ACSL6: variants seen among roughly 807,000 people sequenced by gnomAD.
The protein encoded by ACSL6 is long-chain-fatty-acid--CoA ligase 6.
A neutral mutation model predicts 98.2 loss-of-function variants in ACSL6; 47 were observed. That is an observed-to-expected ratio of 0.48 (90% CI 0.38 to 0.61). The LOEUF is 0.61. Among genes scored for constraint, ACSL6 ranks in the 20% least tolerant of loss-of-function variants. The probability of loss-of-function intolerance (pLI) is 0.00; values close to 1 mark genes in which losing one functional copy is unlikely to be tolerated. For missense variants in ACSL6, 761 were observed against 913.4 expected, an observed-to-expected ratio of 0.83 and a Z score of 2.15; for synonymous variants, 362 against 336.9, an observed-to-expected ratio of 1.07 and a Z score of -0.82.
intron 6 of ACSL6, chr5:131,988,577 A>G (rs1412923494): frequency 6.2e-7 from 1 of 1,612,936 alleles, no homozygotes. Flanking sequence ...GCTGTTGCAG[A>G]GGCTCCTTCT....
intron 16 of ACSL6, among the ~76,000 whole-genome samples, chr5:131,967,372 A>T (rs543322003): frequency 6.6e-6 from 1 of 151,684 alleles, no homozygotes; most frequent in Non-Finnish European, 1.5e-5. Flanking sequence ...TAAAAATTTA[A>T]TTAATTAAGG....
At position 131,988,898 on chromosome 5, in the gene ACSL6, T is replaced by C. The variant is rs1319733712; in HGVS notation, c.559A>G (p.Ile187Val). ...VFAQNRPEWI[I>V]VELACYTYSM... The stretch of plus-strand genomic sequence containing the variant: ...TATGTGTAGCAGGCCAGCTCCACAA[T>C]GATCCACTGTGGAGACACATGAGGC... Residue 187 changes from isoleucine to valine, a missense_variant, in exon 6 of 21, where the codon ATT (isoleucine) becomes GTT (valine). Ile to Val is a conservative substitution (Grantham distance 29). Coordinates refer to ENST00000651883, the MANE Select transcript of ACSL6 (RefSeq NM_001009185.3). 1 of 1,612,384 alleles carries C rather than the reference T, an allele frequency of 6.2e-7. No homozygotes were observed.
intron 10 of ACSL6, chr5:131,975,327 G>A (rs1753560459): frequency 1.0e-6 from 1 of 985,390 alleles, no homozygotes; most frequent in African/African-American, 1.7e-5. Context: ...CTCTCTGAGG[G>A]CCTGCCCCTC....
chr5:132,011,777 C>T (rs1359808282), upstream of ACSL6: 1 of 1,363,312 alleles, frequency 7.3e-7, no homozygotes, highest in Admixed American at 3.5e-5. This position sits in a 1 kb window ranked among gnomAD's most constrained non-coding sequence, Gnocchi z 5.4. Context: ...TACTCCCTGC[C>T]CTGCAGCCTG....
At chr5:131,991,575 G>A (rs971140350) in intron 2 of ACSL6, among the ~76,000 whole-genome samples, 7 of 152,194 alleles carry the variant, frequency 4.6e-5, no homozygotes, top group African/African-American at 1.4e-4. Flanking sequence ...GGAGAGGCAG[G>A]CAGCAAGTTC....
intron 18 of ACSL6, among the ~76,000 whole-genome samples, chr5:131,961,959 C>T (rs1285885695): frequency 1.3e-5 from 2 of 151,790 alleles, no homozygotes; most frequent in African/African-American, 4.8e-5. Context: ...GAGAATCACT[C>T]GAGCTCAGGA....
At chr5:132,002,557 T>G (rs987934032) in intron 1 of ACSL6, among the ~76,000 whole-genome samples, 2 of 152,058 alleles carry the variant, frequency 1.3e-5, no homozygotes, top group Non-Finnish European at 2.9e-5. Context: ...TGCCTGCTTG[T>G]TCACTTAGGA....
intron 9 of ACSL6, among the ~76,000 whole-genome samples, chr5:131,978,115 G>A (rs984003671): frequency 7.2e-5 from 11 of 152,216 alleles, no homozygotes; most frequent in African/African-American, 2.2e-4. Context: ...TTAATCCCAG[G>A]GAATCTGGAT....
chr5:132,012,013 C>G (rs1328404600), upstream of ACSL6: 12 of 1,454,546 alleles, frequency 8.3e-6, no homozygotes, highest in Admixed American at 2.3e-5. Context: ...CATCAACACG[C>G]GACCCTGCCC....
Position 131,954,089 on chromosome 5 carries a change from A to T in ACSL6, c.*145T>A. ...CATTGATGATAGAGAAAATATTGTT[A>T]AAGACCTCTTGGGACAGGAAAAGGC... is the stretch of plus-strand genomic sequence containing the variant. On this transcript the variant is annotated 3_prime_UTR_variant, in exon 21 of 21. Coordinates refer to ENST00000651883, the MANE Select transcript of ACSL6 (RefSeq NM_001009185.3). 1.4e-6 allele frequency: 1 copy of T among 692,164 alleles called. No individual in the cohort carries two copies. Among genetic ancestry groups the T allele is most frequent in the Non-Finnish European group, 2.1e-6 (1 of 475,246 alleles). 42.9% of individuals were successfully genotyped at this position (692,164 alleles called of 1,614,324 possible).
intron 5 of ACSL6, 114 bp downstream of exon 5, chr5:131,989,293 G>T (rs1214429857): frequency 7.8e-6 from 8 of 1,022,702 alleles, no homozygotes; most frequent in Non-Finnish European, 1.2e-5. Context: ...TAGCCCAAGG[G>T]TCTCTGTTTT....
chr5:131,985,213 A>T, intron 9 of ACSL6, 194 bp downstream of exon 9: 1 of 663,728 alleles, frequency 1.5e-6, no homozygotes, highest in East Asian at 2.8e-5. Context: ...CCCAATGCAC[A>T]CTATCCATCT....
chr5:131,997,838 G>A lies in ACSL6; in HGVS notation c.50-3587C>T, dbSNP rs186302885. 2.8e-3 allele frequency among the ~76,000 whole-genome samples: 425 copies of A among 152,298 alleles called. 6 individuals carry two copies. Among genetic ancestry groups the A allele is most frequent in the African/African-American group, 9.7e-3 (401 of 41,542 alleles). ...GGCTGGGCAGCAACCAGAGGGTCTCGTTCTTTCAGGCTTATCGACCTTCTC... is the reference window on the plus strand; with the variant it reads ...GGCTGGGCAGCAACCAGAGGGTCTCATTCTTTCAGGCTTATCGACCTTCTC... On this transcript the variant is annotated intron_variant, in intron 1 of 20. Transcript: ENST00000651883.
chr5:132,010,237 T>C lies in ACSL6; in HGVS notation c.49+1268A>G, dbSNP rs141524975. Among the ~76,000 whole-genome samples the C allele has an allele frequency of 4.1e-3, 629 of 152,270 alleles. 4 individuals carry two copies. The highest frequency in any genetic ancestry group is 0.013 in the African/African-American group (546 of 41,540). ...GCTCAGGGGAAGTGTCCCTGTGGCC[T>C]AACTTAAGGAAATGGTGGGGGTGAA... is the stretch of plus-strand genomic sequence containing the variant. On this transcript the variant is annotated intron_variant, in intron 1 of 20. Coordinates refer to ENST00000651883, the MANE Select transcript of ACSL6 (RefSeq NM_001009185.3).
intron 6 of ACSL6, 44 bp downstream of exon 6, chr5:131,988,761 G>A (rs752083203): frequency 1.3e-6 from 2 of 1,596,224 alleles, no homozygotes; most frequent in Non-Finnish European, 1.7e-6. Context: ...GCTGGAGGCT[G>A]GGGACCAGTT....
At chr5:131,972,565 T>C (rs1039369121) in intron 13 of ACSL6, among the ~76,000 whole-genome samples, 159 bp downstream of exon 13, 6 of 152,150 alleles carry the variant, frequency 3.9e-5, no homozygotes, top group African/African-American at 1.4e-4. Flanking sequence ...AATGTCTAAG[T>C]TTAAAATTTC....
chr5:132,006,486 C>T (rs1561814638), intron 1 of ACSL6: 2 of 152,356 alleles, frequency 1.3e-5, no homozygotes, highest in Admixed American at 6.5e-5. Flanking sequence ...CCACAGCACT[C>T]CCCTAACCCC....
At chr5:131,997,547 T>C (rs1258867838) in intron 1 of ACSL6, among the ~76,000 whole-genome samples, 11 of 152,222 alleles carry the variant, frequency 7.2e-5, no homozygotes, top group Admixed American at 5.2e-4. Context: ...CACCAGAGCC[T>C]GTATGAGGGG....
At chr5:131,960,721 A>C in intron 18 of ACSL6, 100 bp from the exon 19 acceptor site, 1 of 791,392 alleles carries the variant, frequency 1.3e-6, no homozygotes, top group Non-Finnish European at 2.0e-6. Context: ...CTTTTTCAAA[A>C]ACTAAGTATA....
Sources: gnomAD v4.1 joint callset for allele counts (sites outside exome capture counted in the v4.1 genomes callset) on GRCh38, gnomAD v4.1.1 for gene constraint, Gnocchi (gnomAD v3.1) non-coding constraint, MANE v1.5 for transcripts, NCBI Gene and HGNC (gene_info 2026-07-23, HGNC 2026-07-21) for gene names.